The following REDIC1 variants were observed in gnomAD, a reference collection of about 807,000 sequenced individuals.
REDIC1 encodes regulator of DNA class I crossover intermediates 1, also known as HEI10 Interacting Protein 1.
the REDIC1 span, among the ~76,000 whole-genome samples, chr12:39,822,345 T>TCACCTAAAATCACTGGCAATATGA: frequency 6.6e-6 from 1 of 152,004 alleles, no homozygotes. Flanking sequence ...ATAAAGCCAT[T>TCACCTAAAATCACTGGCAATATGA]CACCTAAAAT....
At chr12:39,753,077 T>C in the REDIC1 span, among the ~76,000 whole-genome samples, 1 of 152,220 alleles carries the variant, frequency 6.6e-6, no homozygotes, top group Non-Finnish European at 1.5e-5. Context: ...CTCTAACGTA[T>C]GTTTTGTGAG....
chr12:39,685,378 A>C, the REDIC1 span, among the ~76,000 whole-genome samples: 1 of 152,164 alleles, frequency 6.6e-6, no homozygotes, highest in Non-Finnish European at 1.5e-5. Context: ...AGGGGGAGCA[A>C]GGAGTCTCAC....
the REDIC1 span, among the ~76,000 whole-genome samples, chr12:39,808,092 C>T: frequency 2.6e-5 from 4 of 152,076 alleles, no homozygotes; most frequent in African/African-American, 9.7e-5. Flanking sequence ...GTAAACATTT[C>T]CATAACACCA....
At chr12:39,641,240 G>T in the REDIC1 span, among the ~76,000 whole-genome samples, 1 of 151,738 alleles carries the variant, frequency 6.6e-6, no homozygotes, top group Admixed American at 6.6e-5. Flanking sequence ...CACTACCTGA[G>T]TATTGGTATT....
the REDIC1 span, chr12:39,683,399 A>G: frequency 1.3e-6 from 2 of 1,543,046 alleles, no homozygotes; most frequent in Non-Finnish European, 1.8e-6. Flanking sequence ...CTCGGTGCAT[A>G]CTTTTATTTT....
the REDIC1 span, among the ~76,000 whole-genome samples, chr12:39,713,480 A>G: frequency 6.7e-6 from 1 of 149,982 alleles, no homozygotes; most frequent in African/African-American, 2.4e-5. Flanking sequence ...ACATGTATAC[A>G]TTTATACATT....
the REDIC1 span, among the ~76,000 whole-genome samples, chr12:39,793,382 G>C: frequency 6.6e-6 from 1 of 151,998 alleles, no homozygotes. Flanking sequence ...TATTGGTAAA[G>C]ACATCAATTC....
At chr12:39,854,504 C>T in the REDIC1 span, among the ~76,000 whole-genome samples, 2 of 152,288 alleles carry the variant, frequency 1.3e-5, no homozygotes, top group Middle Eastern at 3.4e-3. Context: ...TTGCCTTTAA[C>T]ATTTATTTGT....
the REDIC1 span, among the ~76,000 whole-genome samples, chr12:39,670,775 T>C: frequency 2.0e-5 from 3 of 151,986 alleles, no homozygotes; most frequent in Admixed American, 2.0e-4. Flanking sequence ...TCTGACTGGG[T>C]TATTTTGAAA....
chr12:39,860,205 C>A, the REDIC1 span, among the ~76,000 whole-genome samples: 1 of 152,094 alleles, frequency 6.6e-6, no homozygotes, highest in Non-Finnish European at 1.5e-5. Flanking sequence ...ATTTGGACCT[C>A]AGTAAGGAAA....
chr12:39,878,468 G>A, the REDIC1 span, among the ~76,000 whole-genome samples: 2 of 152,214 alleles, frequency 1.3e-5, no homozygotes, highest in Non-Finnish European at 2.9e-5. Context: ...CTGTAGCAAA[G>A]GTCATGTGTA....
the REDIC1 span, chr12:39,720,996 G>C: frequency 6.2e-7 from 1 of 1,613,756 alleles, no homozygotes. Flanking sequence ...AGTTTCCACA[G>C]TTGCAGTGCA....
At chr12:39,906,770 C>T in the REDIC1 span, among the ~76,000 whole-genome samples, 3 of 151,964 alleles carry the variant, frequency 2.0e-5, no homozygotes, top group East Asian at 5.8e-4. Flanking sequence ...ATTCATAGGT[C>T]TTCTACGATT....
the REDIC1 span, among the ~76,000 whole-genome samples, chr12:39,875,462 CA>C: frequency 6.6e-6 from 1 of 152,204 alleles, no homozygotes; most frequent in Non-Finnish European, 1.5e-5. Context: ...ATTCAGTCTG[CA>C]CCTTAATTTC....
At chr12:39,879,851 G>A in the REDIC1 span, among the ~76,000 whole-genome samples, 2 of 152,200 alleles carry the variant, frequency 1.3e-5, no homozygotes, top group African/African-American at 4.8e-5. Flanking sequence ...GAAGGGGCCA[G>A]AGGTGGAATG....
chr12:39,655,027 T>G, the REDIC1 span, among the ~76,000 whole-genome samples: 1 of 152,228 alleles, frequency 6.6e-6, no homozygotes, highest in Non-Finnish European at 1.5e-5. Context: ...TGAAGTTGTT[T>G]ATAGTATACC....
At chr12:39,752,944 T>C in the REDIC1 span, among the ~76,000 whole-genome samples, 1 of 152,344 alleles carries the variant, frequency 6.6e-6, no homozygotes, top group East Asian at 1.9e-4. Context: ...TGAAAATGGC[T>C]TCCTGAGCTG....
the REDIC1 span, among the ~76,000 whole-genome samples, chr12:39,660,227 T>A: frequency 1.4e-4 from 22 of 152,168 alleles, no homozygotes; most frequent in African/African-American, 5.3e-4. Context: ...TCTGGAGGTC[T>A]TACTCTCTGA....
chr12:39,684,856 A>T, the REDIC1 span: 12 of 1,599,570 alleles, frequency 7.5e-6, no homozygotes, highest in Non-Finnish European at 1.0e-5. Flanking sequence ...CTGTGTATTT[A>T]TAATCCTTAG....
Sources: gnomAD v4.1 joint callset for allele counts (sites outside exome capture counted in the v4.1 genomes callset) on GRCh38, gnomAD v4.1.1 for gene constraint, MANE v1.5 for transcripts, NCBI Gene and HGNC (gene_info 2026-07-23, HGNC 2026-07-21) for gene names.